The following RTN4IP1 variants were observed in gnomAD, a reference collection of about 807,000 sequenced individuals.
RTN4IP1 encodes NAD(P)H oxidoreductase RTN4IP1, mitochondrial.
RTN4IP1 carries 32 observed loss-of-function variants against 46.6 expected under a neutral mutation model. The observed-to-expected ratio is 0.69, with a 90% CI of 0.52 to 0.92. The LOEUF (loss-of-function observed/expected upper bound fraction) is 0.92. Among genes scored for constraint, RTN4IP1 ranks in the 40% least tolerant of loss-of-function variants. The pLI is 0.00. For missense variants in RTN4IP1, 424 were observed against 485.8 expected, an observed-to-expected ratio of 0.87 and a Z score of 1.20; for synonymous variants, 167 against 161.8, an observed-to-expected ratio of 1.03 and a Z score of -0.24.
intron 4 of RTN4IP1, among the ~76,000 whole-genome samples, chr6:106,616,044 G>A (rs1160746885): frequency 3.9e-5 from 6 of 151,986 alleles, no homozygotes; most frequent in African/African-American, 1.2e-4. Context: ...TCAGGCTCCC[G>A]AGTAGCTTGA....
At chr6:106,600,253 G>A (rs1436922710) in intron 5 of RTN4IP1, among the ~76,000 whole-genome samples, 1 of 151,946 alleles carries the variant, frequency 6.6e-6, no homozygotes, top group Non-Finnish European at 1.5e-5. Context: ...GCCCCTACTG[G>A]GGAAAAGAAT....
chr6:106,618,127 T>A (rs72613232), intron 4 of RTN4IP1, among the ~76,000 whole-genome samples: 12,506 of 152,244 alleles, frequency 0.082, 1,319 homozygotes, highest in African/African-American at 0.23. Flanking sequence ...TCACTAGATG[T>A]ATAGCTTTCA....
chr6:106,587,539 C>T (rs950691949), intron 7 of RTN4IP1, 140 bp downstream of exon 7: 8 of 701,502 alleles, frequency 1.1e-5, no homozygotes, highest in Non-Finnish European at 1.9e-5. Flanking sequence ...ATTTTGAAGC[C>T]AGTCACTGTG....
intron 4 of RTN4IP1, among the ~76,000 whole-genome samples, chr6:106,614,454 T>C (rs549409210): frequency 2.6e-5 from 4 of 152,164 alleles, no homozygotes; most frequent in Admixed American, 6.5e-5. Context: ...GAGTTAGAAA[T>C]ACAGATCTGT....
chr6:106,594,469 C>G (rs991295348), intron 5 of RTN4IP1, among the ~76,000 whole-genome samples: 1 of 152,012 alleles, frequency 6.6e-6, no homozygotes, highest in Non-Finnish European at 1.5e-5. Flanking sequence ...AAGGTCGTAC[C>G]ACTGCACTCC....
chr6:106,618,765 GA>G (rs1776410254), intron 4 of RTN4IP1, among the ~76,000 whole-genome samples: 1 of 152,094 alleles, frequency 6.6e-6, no homozygotes. Flanking sequence ...TCCCTTTATA[GA>G]AATATGCAAG....
chr6:106,609,606 G>A (rs1461930469), intron 4 of RTN4IP1, among the ~76,000 whole-genome samples: 3 of 152,122 alleles, frequency 2.0e-5, no homozygotes, highest in Admixed American at 6.5e-5. Context: ...TGAGGGGATC[G>A]CCTGGCTACT....
chr6:106,615,046 C>A (rs1479406481), intron 4 of RTN4IP1, among the ~76,000 whole-genome samples: 1 of 151,150 alleles, frequency 6.6e-6, no homozygotes, highest in Non-Finnish European at 1.5e-5. Context: ...AGCCTCCACT[C>A]TCACTCTCCT....
intron 3 of RTN4IP1, among the ~76,000 whole-genome samples, chr6:106,620,777 T>C (rs1776467146): frequency 6.6e-6 from 1 of 152,214 alleles, no homozygotes; most frequent in African/African-American, 2.4e-5. Flanking sequence ...TTATCAGATA[T>C]AACTACTTCA....
chr6:106,627,322 C>T (rs747276890), intron 1 of RTN4IP1, among the ~76,000 whole-genome samples: 11 of 152,218 alleles, frequency 7.2e-5, no homozygotes, highest in Middle Eastern at 3.4e-3. Context: ...GCATGAATTA[C>T]GCATGTGCAT....
chr6:106,580,961 A>G (rs1380592926), intron 8 of RTN4IP1, among the ~76,000 whole-genome samples: 1 of 148,718 alleles, frequency 6.7e-6, no homozygotes, highest in East Asian at 2.0e-4. Context: ...GACATAAAAC[A>G]AATTTGAACA....
rs1775951809 is a variant in RTN4IP1 at position 106,601,616 on chromosome 6, TG to T, written c.669+1257del. Reference sequence around the variant, plus strand: ...TGATCCATTTTGAGTTTTTTGTTTTTGTTTTTGTTTTTTGAGACAGAGTTGC... The same window carrying T: ...TGATCCATTTTGAGTTTTTTGTTTTTTTTTTGTTTTTTGAGACAGAGTTGC... On this transcript the variant is annotated intron_variant, in intron 5 of 8. Coordinates refer to ENST00000369063, the MANE Select transcript of RTN4IP1 (RefSeq NM_032730.5). 2.6e-5 allele frequency among the ~76,000 whole-genome samples: 4 copies of T among 152,320 alleles called. No individual in the cohort carries two copies. The South Asian group carries it at 8.3e-4, about 32-fold the overall frequency.
At chr6:106,621,110 T>C (rs1421324998) in intron 3 of RTN4IP1, among the ~76,000 whole-genome samples, 1 of 152,228 alleles carries the variant, frequency 6.6e-6, no homozygotes, top group Non-Finnish European at 1.5e-5. Context: ...TCTCCACTGA[T>C]GACTAATCCA....
Position 106,624,575 on chromosome 6 carries a change from G to A in RTN4IP1, c.275-1606C>T, listed in dbSNP as rs184870991. Among the ~76,000 whole-genome samples, 535 of 149,362 alleles carry A rather than the reference G, an allele frequency of 3.6e-3. 5 individuals carry two copies. The highest frequency in any genetic ancestry group is 0.012 in the African/African-American group (490 of 40,614). ...TGGTCTCAAACTCCTAGGCTCAAGC[G>A]ATCCACCCACCTTGCCTCCCAAAGT... On this transcript the variant is annotated intron_variant, in intron 1 of 8. Coordinates refer to ENST00000369063, the MANE Select transcript of RTN4IP1 (RefSeq NM_032730.5).
intron 5 of RTN4IP1, among the ~76,000 whole-genome samples, chr6:106,595,886 AG>A (rs1366405945): frequency 3.9e-5 from 6 of 152,244 alleles, no homozygotes; most frequent in Non-Finnish European, 7.3e-5. Context: ...AATGTAGGAA[AG>A]GCAAGACAAA....
chr6:106,597,568 C>CAAAAAGTGGGCGAAGGACATGAACA, intron 5 of RTN4IP1, among the ~76,000 whole-genome samples: 1 of 151,798 alleles, frequency 6.6e-6, no homozygotes, highest in African/African-American at 2.4e-5. Flanking sequence ...GGTCCTGAAT[C>CAAAAAGTGGGCGAAGGACATGAACA]GCTGAGCTCA....
Position 106,628,885 on chromosome 6 carries a change from C to A in RTN4IP1, c.137G>T (p.Trp46Leu). The stretch of plus-strand genomic sequence containing the variant: ...ATTCTTCCCATATTTATCTATCACC[C>A]AAGCAGGCATGACAGTGCTCCTAGG... ...TSPRSTVMPA[W>L]VIDKYGKNEV... Residue 46 changes from tryptophan (W) to leucine (L), a missense_variant, in exon 1 of 9, where the codon TGG (tryptophan) becomes TTG (leucine). Coordinates refer to ENST00000369063, the MANE Select transcript of RTN4IP1 (RefSeq NM_032730.5). 6.2e-7 allele frequency: 1 copy of A among 1,614,138 alleles called. No individual in the cohort carries two copies. Among genetic ancestry groups the A allele is most frequent in the South Asian group, 1.1e-5 (1 of 91,086 alleles).
intron 5 of RTN4IP1, among the ~76,000 whole-genome samples, chr6:106,598,854 A>G (rs1034848711): frequency 6.6e-6 from 1 of 151,862 alleles, no homozygotes; most frequent in Non-Finnish European, 1.5e-5. Context: ...TCTTTAATCC[A>G]TCTTGAATTG....
At chr6:106,606,067 C>T (rs576586344) in intron 4 of RTN4IP1, among the ~76,000 whole-genome samples, 1 of 152,078 alleles carries the variant, frequency 6.6e-6, no homozygotes, top group South Asian at 2.1e-4. Flanking sequence ...AACAAAAGAC[C>T]ACCAAAAACC....
Sources: gnomAD v4.1 joint callset for allele counts (sites outside exome capture counted in the v4.1 genomes callset) on GRCh38, gnomAD v4.1.1 for gene constraint, MANE v1.5 for transcripts, NCBI Gene and HGNC (gene_info 2026-07-23, HGNC 2026-07-21) for gene names.